SGO1: variants seen among roughly 807,000 people sequenced by gnomAD.
SGO1 encodes serologically defined breast cancer antigen NY-BR-85.
A neutral mutation model predicts 50.5 loss-of-function variants in SGO1; 39 were observed. That is an observed-to-expected ratio of 0.77 (90% CI 0.60 to 1.01). The LOEUF is 1.01. Ranked by LOEUF, SGO1 falls within the 50% of genes least tolerant of loss-of-function variation. SGO1 has a pLI of 0.00. For missense variants in SGO1, 638 were observed against 606.0 expected, an observed-to-expected ratio of 1.05 and a Z score of -0.55; for synonymous variants, 191 against 205.1, an observed-to-expected ratio of 0.93 and a Z score of 0.59.
chr3:20,171,346 G>T (rs957945648), intron 6 of SGO1, 114 bp from the exon 7 acceptor site: 18 of 913,804 alleles, frequency 2.0e-5, no homozygotes, highest in African/African-American at 1.4e-4. Flanking sequence ...TTTAATAATA[G>T]AATTTTTTTT....
chr3:20,177,927 GC>G (rs1365177318), intron 4 of SGO1, among the ~76,000 whole-genome samples: 1 of 151,118 alleles, frequency 6.6e-6, no homozygotes, highest in Admixed American at 6.6e-5. Flanking sequence ...TATTCAGAGG[GC>G]TGGCAAAACA....
chr3:20,175,601 C>A (rs1288380719), intron 5 of SGO1, among the ~76,000 whole-genome samples: 1 of 150,560 alleles, frequency 6.6e-6, no homozygotes, highest in Non-Finnish European at 1.5e-5. Flanking sequence ...TCGAGACCAT[C>A]CTGGCTAACA....
intron 1 of SGO1, among the ~76,000 whole-genome samples, chr3:20,185,116 A>G (rs1192658525): frequency 6.6e-6 from 1 of 152,184 alleles, no homozygotes; most frequent in East Asian, 1.9e-4. Context: ...GATACCACTT[A>G]AGAACTTTCT....
At chr3:20,164,316 TA>T (rs1700187114) in intron 8 of SGO1, among the ~76,000 whole-genome samples, 1 of 150,710 alleles carries the variant, frequency 6.6e-6, no homozygotes, top group Admixed American at 6.6e-5. Context: ...ATTAAGAGAA[TA>T]AAGGAGAAAA....
At position 20,183,931 on chromosome 3, in the gene SGO1, T is replaced by G. The variant is rs764457065; in HGVS notation, c.97A>C (p.Ile33Leu). The G allele has an allele frequency of 6.2e-7, 1 of 1,612,906 alleles. No homozygotes were observed. Residue 33 changes from isoleucine to leucine, a missense_variant, in exon 2 of 8, where the codon ATT becomes CTT. Transcript: ENST00000412997. ...KEKRNKNLAE[I>L]GKRRSFIAAP... is the part of the protein sequence containing the mutation. ...GCTATAAAAGACCTGCGTTTGCCAA[T>G]CTCTGCCAAGTTTTTATTCCTTTTC...
Position 20,176,766 on chromosome 3 carries a change from T to C in SGO1, c.417-107A>G, listed in dbSNP as rs139369135. 2.7e-3 allele frequency: 1,952 copies of C among 722,802 alleles called. 36 individuals carry two copies. The African/African-American group carries it at 0.032, about 12-fold the overall frequency. 44.8% of individuals were successfully genotyped at this position (722,802 alleles called of 1,614,324 possible). ...TCTTTCCTTTAGTATCATTTCATAATTCGATTTCAAATCAATACATCTATT... is the reference window on the plus strand; with the variant it reads ...TCTTTCCTTTAGTATCATTTCATAACTCGATTTCAAATCAATACATCTATT... On this transcript the variant is annotated intron_variant, in intron 4 of 7. Coordinates refer to ENST00000412997, the MANE Select transcript of SGO1 (RefSeq NM_001199251.3).
chr3:20,171,273 A>G, intron 6 of SGO1, 41 bp from the exon 7 acceptor site: 5 of 1,459,596 alleles, frequency 3.4e-6, no homozygotes, highest in Non-Finnish European at 4.6e-6. Flanking sequence ...AAAAAAAAAA[A>G]CCCACACAAA....
intron 6 of SGO1, among the ~76,000 whole-genome samples, chr3:20,172,792 TAAAAAAAAAAA>T (rs60411282): frequency 1.0e-5 from 1 of 98,912 alleles, no homozygotes; most frequent in Non-Finnish European, 2.0e-5. Flanking sequence ...TCACAAAAAG[TAAAAAAAAAAA>T]AAAAAAAAAA....
At chr3:20,180,065 G>A (rs565337128) in intron 3 of SGO1, among the ~76,000 whole-genome samples, 1 of 152,258 alleles carries the variant, frequency 6.6e-6, no homozygotes, top group Non-Finnish European at 1.5e-5. Context: ...GGGAGGCCGA[G>A]GCAGGGGTAT....
At chr3:20,164,854 A>C (rs1164060136), downstream of SGO1, among the ~76,000 whole-genome samples, 1 of 152,190 alleles carries the variant, frequency 6.6e-6, no homozygotes, top group East Asian at 1.9e-4. Flanking sequence ...AAATATGAAG[A>C]AAAATTAGAA....
rs1427368439 is a variant in SGO1, at chr3:20,172,773, A to G, written c.1282+1476T>C. ...GAGACCACCCTGGCAACACAGTGAG[A>G]CCTCATCTTCACAAAAAGTAAAAAA... is the stretch of plus-strand genomic sequence containing the variant. On this transcript the variant is annotated intron_variant, in intron 6 of 7. Transcript: ENST00000412997. 3.5e-5 allele frequency among the ~76,000 whole-genome samples: 5 copies of G among 141,606 alleles called. No homozygotes were observed. In the East Asian group the frequency reaches 1.1e-3, roughly 31 times the overall value. 92.9% of individuals were successfully genotyped at this position (141,606 alleles called of 152,430 possible). A position where few individuals can be genotyped will look rare whatever the true frequency, so the allele number is the denominator to read the frequency against.
rs1433192194 is a variant in SGO1 at position 20,174,412 on chromosome 3, A to T, written c.1119T>A (p.Gly373=). ...AGAGGTCATCGGAATCATCTCCTGA[A>T]CCACTTGATTCACAGAGGCTCACTT... ...ESEVSLCESS[G]SGDDSDDLYL... Residue 373 remains glycine (G), a synonymous_variant, in exon 6 of 8, where the codon GGT becomes GGA. Transcript: ENST00000412997. 1 of 1,614,070 alleles carries T rather than the reference A, an allele frequency of 6.2e-7. No homozygotes were observed. The highest frequency in any genetic ancestry group is 8.5e-7 in the Non-Finnish European group (1 of 1,180,006).
chr3:20,162,012 G>A (rs546910052), intron 8 of SGO1, among the ~76,000 whole-genome samples: 3 of 152,276 alleles, frequency 2.0e-5, no homozygotes, highest in Admixed American at 2.0e-4. Flanking sequence ...CAGAATTGTG[G>A]GACAAGGAGT....
chr3:20,177,487 A>T (rs1437566226), intron 4 of SGO1, among the ~76,000 whole-genome samples: 1 of 152,182 alleles, frequency 6.6e-6, no homozygotes, highest in Non-Finnish European at 1.5e-5. Context: ...TCCAAGGGCA[A>T]TTATGCTCTC....
Position 20,170,676 on chromosome 3 carries a change from T to A in SGO1, c.*28A>T. 1 of 1,536,556 alleles carries A rather than the reference T, an allele frequency of 6.5e-7. No homozygotes were observed. The highest frequency in any genetic ancestry group is 2.1e-4 in the Middle Eastern group (1 of 4,822). The stretch of plus-strand genomic sequence containing the variant: ...TGAAGCAACAGAAAGAGGTGTAGAT[T>A]GAATTTAAACAATATCCAACAAAAC... On this transcript the variant is annotated 3_prime_UTR_variant, in exon 8 of 8. Transcript: ENST00000412997.
At chr3:20,170,842 C>T in intron 7 of SGO1, 27 bp from the exon 8 acceptor site, 1 of 1,579,238 alleles carries the variant, frequency 6.3e-7, no homozygotes, top group East Asian at 2.3e-5. Context: ...AGATCTCAGG[C>T]ATAATGTAAG....
chr3:20,174,026 T>A (rs1701073858), intron 6 of SGO1, among the ~76,000 whole-genome samples: 1 of 152,128 alleles, frequency 6.6e-6, no homozygotes, highest in Admixed American at 6.5e-5. Flanking sequence ...AAAAATTCTG[T>A]CTCCATAACA....
In SGO1 at chr3:20,172,610, C is replaced by T. The variant is rs548895830; in HGVS notation, c.1283-1378G>A. 3.8e-4 allele frequency among the ~76,000 whole-genome samples: 58 copies of T among 151,310 alleles called. 1 individual carries two copies. The South Asian group carries it at 0.012, about 32-fold the overall frequency. ...CTAGGGATTAAACTCTGAGTAATAC[C>T]ATTTTAGAGTATATTTTTTTCGTTT... On this transcript the variant is annotated intron_variant, in intron 6 of 7. Coordinates refer to ENST00000412997, the MANE Select transcript of SGO1 (RefSeq NM_001199251.3).
Position 20,176,586 on chromosome 3 carries a change from T to C in SGO1, c.475+15A>G. On this transcript the variant is annotated intron_variant, in intron 5 of 7. Transcript: ENST00000412997. ...TTTGCCCTTAATAATATTTTTAGAT[T>C]TTCACTTGAATTACCTTCTATTTGA... The C allele has an allele frequency of 6.6e-7, 1 of 1,522,812 alleles. No individual in the cohort carries two copies. Among genetic ancestry groups the C allele is most frequent in the South Asian group, 1.3e-5 (1 of 79,474 alleles). 94.3% of individuals were successfully genotyped at this position (1,522,812 alleles called of 1,614,324 possible).
Sources: allele counts gnomAD v4.1 joint callset (sites outside exome capture counted in the v4.1 genomes callset), GRCh38; gene constraint gnomAD v4.1.1; transcripts MANE v1.5; gene names NCBI Gene and HGNC (gene_info 2026-07-23, HGNC 2026-07-21).